The following FBXO7 variants were observed in gnomAD, a reference collection of about 807,000 sequenced individuals.
The protein encoded by FBXO7 is F-box only protein 7.
Under a neutral mutation model 50.2 loss-of-function variants are expected in FBXO7, and 31 were observed. The observed-to-expected ratio is 0.62, with a 90% CI of 0.46 to 0.83. The LOEUF (loss-of-function observed/expected upper bound fraction) is 0.83, where lower values mean the gene tolerates loss of function less well. Ranked by LOEUF, FBXO7 falls within the 40% of genes least tolerant of loss-of-function variation. FBXO7 has a pLI of 0.00. For missense variants in FBXO7, 667 were observed against 646.6 expected (o/e 1.03, Z -0.34); for synonymous variants, 256 against 253.1 (o/e 1.01, Z -0.11).
chr22:32,496,574 A>G (rs1398529200), intron 8 of FBXO7, among the ~76,000 whole-genome samples: 1 of 152,186 alleles, frequency 6.6e-6, no homozygotes, highest in Non-Finnish European at 1.5e-5. Context: ...ATGACAGTAC[A>G]TCATTTATGG....
intron 1 of FBXO7, among the ~76,000 whole-genome samples, chr22:32,476,869 ATATTACTT>A (rs1280722485): frequency 6.6e-6 from 1 of 152,196 alleles, no homozygotes; most frequent in Admixed American, 6.5e-5. Flanking sequence ...GGAAAACTAT[ATATTACTT>A]TAGAAATAGC....
chr22:32,493,935 T>C (rs2057555263), intron 7 of FBXO7, among the ~76,000 whole-genome samples: 1 of 152,036 alleles, frequency 6.6e-6, no homozygotes, highest in Non-Finnish European at 1.5e-5. Flanking sequence ...AGTATTCCTA[T>C]TTATAAAATA....
chr22:32,483,069 A>G (rs796557936), intron 2 of FBXO7, among the ~76,000 whole-genome samples: 4 of 152,348 alleles, frequency 2.6e-5, no homozygotes, highest in African/African-American at 9.6e-5. Flanking sequence ...TAAGGGATTT[A>G]GAAGTTTGGT....
At chr22:32,490,824 T>A in intron 5 of FBXO7, 1 of 435,692 alleles carries the variant, frequency 2.3e-6, no homozygotes, top group Non-Finnish European at 4.2e-6. Context: ...TCACAAGTCT[T>A]TTCTACAACT....
chr22:32,492,229 G>C (rs1486541776), intron 6 of FBXO7: 3 of 152,188 alleles, frequency 2.0e-5, no homozygotes, highest in Non-Finnish European at 4.4e-5. Flanking sequence ...TCTATATGTA[G>C]AGAAATAAGT....
chr22:32,488,262 GT>G (rs1435737434), intron 5 of FBXO7: 1 of 166,948 alleles, frequency 6.0e-6, no homozygotes, highest in African/African-American at 2.4e-5. Flanking sequence ...CAATCAAAAT[GT>G]TTGTTTAAAC....
chr22:32,496,507 AAAAG>A (rs1478357228), intron 8 of FBXO7, among the ~76,000 whole-genome samples: 1 of 152,140 alleles, frequency 6.6e-6, no homozygotes, highest in South Asian at 2.1e-4. Flanking sequence ...AAACAACAAA[AAAAG>A]GAATTATGCT....
intron 3 of FBXO7, 141 bp from the exon 4 acceptor site, chr22:32,484,927 A>G (rs943848271): frequency 1.7e-5 from 15 of 875,860 alleles, no homozygotes; most frequent in Non-Finnish European, 2.3e-5. Flanking sequence ...TATATTGGCA[A>G]TGTTAATGAT....
chr22:32,479,008 G>C lies in FBXO7; in HGVS notation c.150G>C (p.Leu50Phe), dbSNP rs2057446111. The C allele has an allele frequency of 4.3e-6, 7 of 1,614,138 alleles. No homozygotes were observed. The highest frequency in any genetic ancestry group is 5.1e-6 in the Non-Finnish European group (6 of 1,180,016). The stretch of plus-strand genomic sequence containing the variant: ...CTAATACCCGATTTACAATTACATT[G>C]AACTACAAGGATCCCCTCACTGGAG... Reference protein sequence around the residue: ...YSSNTRFTITLNYKDPLTGDE... With the variant: ...YSSNTRFTITFNYKDPLTGDE... Residue 50 changes from leucine (L) to phenylalanine (F), a missense_variant, in exon 2 of 9, where the codon TTG (leucine) becomes TTC (phenylalanine). Transcript: ENST00000266087.
In FBXO7 at chr22:32,498,629, T is replaced by G; in HGVS notation, c.*99T>G. ...CTGATCTCGAGTGTTATTTTCTGAT[T>G]GTGGTGTTGAGAGTTGCACTCCCAG... On this transcript the variant is annotated 3_prime_UTR_variant, in exon 9 of 9. Coordinates refer to ENST00000266087, the MANE Select transcript of FBXO7 (RefSeq NM_012179.4). The G allele has an allele frequency of 7.0e-7, 1 of 1,426,100 alleles. No homozygotes were observed. 88.3% of individuals were successfully genotyped at this position (1,426,100 alleles called of 1,614,324 possible).
At chr22:32,478,900 T>A (rs1942256718) in intron 1 of FBXO7, 81 bp from the exon 2 acceptor site, 2 of 1,270,952 alleles carry the variant, frequency 1.6e-6, no homozygotes, top group Admixed American at 3.4e-5. Context: ...TCATACTGTG[T>A]ACTTATGTAT....
intron 8 of FBXO7, among the ~76,000 whole-genome samples, chr22:32,496,523 A>T (rs912454428): frequency 6.6e-5 from 10 of 152,188 alleles, no homozygotes; most frequent in African/African-American, 2.4e-4. Flanking sequence ...AATTATGCTA[A>T]ATCTGTGCCT....
At chr22:32,490,947 A>G in intron 5 of FBXO7, 139 bp from the exon 6 acceptor site, 1 of 655,778 alleles carries the variant, frequency 1.5e-6, no homozygotes. Context: ...TACTTCTTCC[A>G]TGAGGGAATT....
chr22:32,484,360 G>A (rs556798436), intron 3 of FBXO7, among the ~76,000 whole-genome samples: 3 of 152,292 alleles, frequency 2.0e-5, no homozygotes, highest in African/African-American at 7.2e-5. Flanking sequence ...AATACCTGGG[G>A]ACCTTATTAA....
At position 32,493,218 on chromosome 22, in the gene FBXO7, G is replaced by T. The variant is rs759631116; in HGVS notation, c.1081G>T (p.Asp361Tyr). 2 of 1,614,128 alleles carry T rather than the reference G, an allele frequency of 1.2e-6. No individual in the cohort carries two copies. The highest frequency in any genetic ancestry group is 1.7e-6 in the Non-Finnish European group (2 of 1,180,006). Residue 361 changes from aspartate to tyrosine, a missense_variant, in exon 7 of 9, where the codon GAC becomes TAC. Physicochemically the swap from Asp to Tyr is radical, Grantham distance 160 (BLOSUM62 -3). Coordinates refer to ENST00000266087, the MANE Select transcript of FBXO7 (RefSeq NM_012179.4). ...CTTGTCTTTGTCTGCGGTTTGTCGT[G>T]ACCTCTTTACTGCTTCAAATGACCC... ...SVLSLSAVCR[D>Y]LFTASNDPLL... is the part of the protein sequence containing the mutation.
Position 32,498,514 on chromosome 22 carries a change from G to T in FBXO7, c.1553G>T (p.Arg518Leu), listed in dbSNP as rs771304029. 3.7e-6 allele frequency: 6 copies of T among 1,613,418 alleles called. No individual in the cohort carries two copies. In the African/African-American group the frequency reaches 4.0e-5, roughly 11 times the overall value. Residue 518 changes from arginine (R) to leucine (L), a missense_variant, in exon 9 of 9, where the codon CGG becomes CTG. Transcript: ENST00000266087. ...RPSRGRPTDG[R>L]LSFM Reference sequence around the variant, plus strand: ...AGCAGGGGTCGGCCAACTGATGGCCGGCTGTCATTCATGTGATTGATTTGT... The same window carrying T: ...AGCAGGGGTCGGCCAACTGATGGCCTGCTGTCATTCATGTGATTGATTTGT...
intron 6 of FBXO7, chr22:32,491,558 G>C (rs2057535835): frequency 9.1e-6 from 1 of 110,174 alleles, no homozygotes; most frequent in African/African-American, 4.1e-5. Context: ...TGTCTATATA[G>C]ACATATATTT....
intron 2 of FBXO7, 124 bp downstream of exon 2, chr22:32,479,399 TTC>T (rs1314731438): frequency 3.4e-6 from 3 of 882,500 alleles, no homozygotes; most frequent in Non-Finnish European, 3.3e-6. Flanking sequence ...ATATATTTTT[TTC>T]TTTTTTTTTT....
intron 1 of FBXO7, 49 bp from the exon 2 acceptor site, chr22:32,478,932 G>A (rs920171406): frequency 1.3e-6 from 2 of 1,512,578 alleles, no homozygotes; most frequent in Non-Finnish European, 1.8e-6. Flanking sequence ...GCTATTGAAG[G>A]TATTAGAAGT....
Sources: gnomAD v4.1 joint callset for allele counts (sites outside exome capture counted in the v4.1 genomes callset) on GRCh38, gnomAD v4.1.1 for gene constraint, MANE v1.5 for transcripts, NCBI Gene and HGNC (gene_info 2026-07-23, HGNC 2026-07-21) for gene names.